PCDHGA7: variants seen among roughly 807,000 people sequenced by gnomAD.
The protein encoded by PCDHGA7 is protocadherin gamma-A7.
In PCDHGA7, 44 loss-of-function variants were observed where a neutral mutation model predicts 58.3. The observed-to-expected ratio is 0.75, with a 90% confidence interval of 0.59 to 0.97. The LOEUF (loss-of-function observed/expected upper bound fraction) is 0.97, where lower values mean the gene tolerates loss of function less well. PCDHGA7 is among the 50% of genes least tolerant of loss of function. The probability of loss-of-function intolerance (pLI) is 0.00; values close to 1 mark genes in which losing one functional copy is unlikely to be tolerated. For synonymous variants in PCDHGA7, 516 were observed against 504.2 expected (o/e 1.02, Z -0.31); for missense variants, 1,266 against 1,188.7 (o/e 1.06, Z -0.96).
intron 1 of PCDHGA7, among the ~76,000 whole-genome samples, chr5:141,424,908 C>G (rs910592644): frequency 1.3e-5 from 2 of 152,184 alleles, no homozygotes; most frequent in Non-Finnish European, 2.9e-5. Context: ...TCACAGGAAT[C>G]ATTTCCATAA....
chr5:141,460,582 G>A (rs1246329967), intron 1 of PCDHGA7, among the ~76,000 whole-genome samples: 2 of 152,022 alleles, frequency 1.3e-5, no homozygotes, highest in South Asian at 4.1e-4. Context: ...GTAGGTGTGG[G>A]TTTTTTCTGG....
intron 1 of PCDHGA7, among the ~76,000 whole-genome samples, chr5:141,446,891 C>T (rs1457416718): frequency 6.6e-6 from 1 of 152,152 alleles, no homozygotes; most frequent in South Asian, 2.1e-4. Context: ...GGGTTCATGG[C>T]TGAGCTACTT....
intron 1 of PCDHGA7, chr5:141,409,951 G>T: frequency 6.2e-7 from 1 of 1,613,374 alleles, no homozygotes; most frequent in Non-Finnish European, 8.5e-7. Context: ...GCTCTGCAGA[G>T]CCCGGCTACC....
intron 1 of PCDHGA7, chr5:141,475,926 G>C: frequency 4.8e-6 from 3 of 619,440 alleles, no homozygotes; most frequent in East Asian, 2.9e-5. Context: ...GCTGGAGATC[G>C]GGCCCCTGCC....
At chr5:141,501,312 C>T (rs2099807672) in intron 2 of PCDHGA7, among the ~76,000 whole-genome samples, 1 of 151,778 alleles carries the variant, frequency 6.6e-6, no homozygotes, top group South Asian at 2.1e-4. Context: ...CACACACACA[C>T]ACACACACAC....
At chr5:141,467,649 T>C (rs2099147987) in intron 1 of PCDHGA7, among the ~76,000 whole-genome samples, 1 of 152,146 alleles carries the variant, frequency 6.6e-6, no homozygotes, top group Non-Finnish European at 1.5e-5. Flanking sequence ...TGTACCAAAC[T>C]TCTATAGTGC....
intron 1 of PCDHGA7, chr5:141,441,665 A>G (rs994092543): frequency 2.3e-5 from 6 of 265,720 alleles, no homozygotes; most frequent in Non-Finnish European, 3.7e-5. Context: ...CCTTGAGCGC[A>G]CAGTGCGCCT....
chr5:141,421,359 C>T, intron 1 of PCDHGA7: 1 of 1,614,012 alleles, frequency 6.2e-7, no homozygotes, highest in Non-Finnish European at 8.5e-7. Context: ...AAAAGGGCTC[C>T]TTCGTGGGCA....
intron 1 of PCDHGA7, chr5:141,397,952 C>A: frequency 1.0e-6 from 1 of 959,530 alleles, no homozygotes; most frequent in Non-Finnish European, 1.5e-6. Context: ...CCAGGGCAGC[C>A]CCAGCTCAGA....
intron 1 of PCDHGA7, among the ~76,000 whole-genome samples, chr5:141,442,789 T>C (rs2098343347): frequency 6.6e-6 from 1 of 152,196 alleles, no homozygotes; most frequent in African/African-American, 2.4e-5. Flanking sequence ...ATTTTATAAT[T>C]TTACTTTGAT....
chr5:141,441,442 C>G (rs938839707), intron 1 of PCDHGA7: 1 of 160,500 alleles, frequency 6.2e-6, no homozygotes, highest in African/African-American at 2.4e-5. Context: ...CTCGTCCAGC[C>G]CAAGCATCAC....
intron 1 of PCDHGA7, chr5:141,479,339 G>GTA (rs1298553162): frequency 1.3e-5 from 2 of 152,644 alleles, no homozygotes; most frequent in East Asian, 3.8e-4. Context: ...GTGTGCACCT[G>GTA]TAGTTCTTGC....
intron 1 of PCDHGA7, among the ~76,000 whole-genome samples, chr5:141,448,809 A>G (rs998129053): frequency 9.2e-5 from 14 of 151,812 alleles, no homozygotes; most frequent in Non-Finnish European, 1.8e-4. Flanking sequence ...GCCAGGCGTG[A>G]TGGCGGGCGC....
At chr5:141,400,459 G>C (rs1287515286) in intron 1 of PCDHGA7, 1 of 1,614,072 alleles carries the variant, frequency 6.2e-7, no homozygotes, top group Admixed American at 1.7e-5. Flanking sequence ...CATACTTTGT[G>C]GTGATTCATC....
chr5:141,414,866 C>G (rs1413236073), intron 1 of PCDHGA7: 1 of 1,614,230 alleles, frequency 6.2e-7, no homozygotes, highest in Non-Finnish European at 8.5e-7. Flanking sequence ...GACAATGCGC[C>G]CGAGATCCTG....
intron 1 of PCDHGA7, chr5:141,395,360 G>A (rs2093220996): frequency 3.9e-6 from 5 of 1,290,318 alleles, no homozygotes; most frequent in Non-Finnish European, 5.2e-6. Context: ...AGAGTTTTGG[G>A]TTTATTTTGG....
At chr5:141,449,407 G>A (rs1367837385) in intron 1 of PCDHGA7, among the ~76,000 whole-genome samples, 2 of 151,754 alleles carry the variant, frequency 1.3e-5, no homozygotes, top group Non-Finnish European at 2.9e-5. Flanking sequence ...AGGAGTTCAA[G>A]ACCAGCCTGG....
chr5:141,445,389 C>T (rs1484183450), intron 1 of PCDHGA7, among the ~76,000 whole-genome samples: 1 of 152,174 alleles, frequency 6.6e-6, no homozygotes, highest in Non-Finnish European at 1.5e-5. Flanking sequence ...CATTCATTTA[C>T]ATAACAAATA....
intron 1 of PCDHGA7, chr5:141,427,178 A>G (rs1175390589): frequency 4.4e-6 from 2 of 456,644 alleles, no homozygotes; most frequent in Admixed American, 2.3e-5. Flanking sequence ...AAAATGGGGA[A>G]ATTAAATCCA....
Sources: allele counts gnomAD v4.1 joint callset (sites outside exome capture counted in the v4.1 genomes callset), GRCh38; gene constraint gnomAD v4.1.1; transcripts MANE v1.5; gene names NCBI Gene and HGNC (gene_info 2026-07-23, HGNC 2026-07-21).